Variants in AKAP13 observed in about 807,000 individuals in gnomAD.
AKAP13 encodes A-kinase anchor protein 13.
Under a neutral mutation model 264.5 loss-of-function variants are expected in AKAP13, and 80 were observed. The observed-to-expected ratio is 0.30, with a 90% CI of 0.25 to 0.36. AKAP13 has a LOEUF of 0.36. Ranked by LOEUF, AKAP13 falls within the 10% of genes least tolerant of loss-of-function variation. The pLI, the probability that AKAP13 is intolerant of heterozygous loss-of-function variation, is 1.00. For missense variants in AKAP13, 3,712 were observed against 3,435.2 expected, an observed-to-expected ratio of 1.08 and a Z score of -2.01; for synonymous variants, 1,380 against 1,250.2, an observed-to-expected ratio of 1.10 and a Z score of -2.19.
chr15:85,710,576 T>C lies in AKAP13; in HGVS notation c.5533-3T>C, dbSNP rs1473094959. The C allele has an allele frequency of 3.7e-6, 6 of 1,613,588 alleles. No individual in the cohort carries two copies. The highest frequency in any genetic ancestry group is 3.3e-5 in the Admixed American group (2 of 59,914). ...TCAATGGACTTACTTTCTTTCTCTTTAGCAGCCCAAAGGGAGCCTTCAGGC... is the reference window on the plus strand; with the variant it reads ...TCAATGGACTTACTTTCTTTCTCTTCAGCAGCCCAAAGGGAGCCTTCAGGC... On this transcript the variant is annotated splice_polypyrimidine_tract_variant and splice_region_variant and intron_variant, in intron 18 of 36. Transcript: ENST00000394518.
chr15:85,562,877 T>G (rs2078453108), intron 5 of AKAP13, among the ~76,000 whole-genome samples: 1 of 148,436 alleles, frequency 6.7e-6, no homozygotes, highest in Non-Finnish European at 1.5e-5. Flanking sequence ...TTTTGTTTTT[T>G]TTTTTTTTGT....
intron 4 of AKAP13, among the ~76,000 whole-genome samples, chr15:85,539,581 A>T (rs891025944): frequency 6.6e-6 from 1 of 152,162 alleles, no homozygotes; most frequent in Non-Finnish European, 1.5e-5. Context: ...TTACTTAGAG[A>T]ATCTGACCAT....
chr15:85,403,085 T>G (rs2071501356), intron 1 of AKAP13, among the ~76,000 whole-genome samples: 1 of 152,208 alleles, frequency 6.6e-6, no homozygotes, highest in Admixed American at 6.5e-5. Flanking sequence ...CCATTCCTTA[T>G]CTGTTAGGTC....
At chr15:85,573,484 G>A (rs2078892871) in intron 5 of AKAP13, among the ~76,000 whole-genome samples, 1 of 152,012 alleles carries the variant, frequency 6.6e-6, no homozygotes, top group African/African-American at 2.4e-5. Context: ...GTTAGAGGTT[G>A]CATTGAGCCA....
At chr15:85,478,409 T>G (rs2075247302) in intron 1 of AKAP13, among the ~76,000 whole-genome samples, 1 of 152,344 alleles carries the variant, frequency 6.6e-6, no homozygotes, top group East Asian at 1.9e-4. Context: ...AAAACTACAT[T>G]TAACTTACTA....
intron 5 of AKAP13, among the ~76,000 whole-genome samples, chr15:85,554,294 C>G (rs914891612): frequency 6.6e-6 from 1 of 152,104 alleles, no homozygotes; most frequent in Non-Finnish European, 1.5e-5. Context: ...TAAACAAGAA[C>G]ATGTTTATAA....
intron 10 of AKAP13, among the ~76,000 whole-genome samples, chr15:85,653,473 G>A (rs338539): frequency 0.54 from 81,852 of 151,916 alleles, 22,265 homozygotes; most frequent in Middle Eastern, 0.63. Context: ...TGGATTCCAC[G>A]GAACTGGAAA....
intron 1 of AKAP13, among the ~76,000 whole-genome samples, chr15:85,469,402 G>C (rs191989099): frequency 6.6e-6 from 1 of 152,208 alleles, no homozygotes; most frequent in East Asian, 1.9e-4. Context: ...CCTGTCAGCA[G>C]GATTACCTCT....
intron 8 of AKAP13, among the ~76,000 whole-genome samples, chr15:85,601,230 G>C (rs1004086753): frequency 3.9e-5 from 6 of 152,152 alleles, no homozygotes; most frequent in African/African-American, 1.4e-4. Flanking sequence ...AAAATGCAAT[G>C]AGACTTATTC....
intron 30 of AKAP13, among the ~76,000 whole-genome samples, 192 bp downstream of exon 30, chr15:85,730,899 G>C (rs1438532171): frequency 6.6e-6 from 1 of 151,380 alleles, no homozygotes; most frequent in African/African-American, 2.4e-5. Flanking sequence ...ACTTAAAGGG[G>C]CCCTGAAGCC....
chr15:85,747,118 A>G lies in AKAP13; in HGVS notation c.*2441A>G. The G allele has an allele frequency of 6.6e-6, 1 of 152,152 alleles. No individual in the cohort carries two copies. The highest frequency in any genetic ancestry group is 1.9e-4 in the East Asian group (1 of 5,200). The allele number at this position is 152,152 out of a possible 1,614,324, so 9.4% of individuals were successfully genotyped here. ...TCAGGTTCTGGTTGGACAAGTTTAAAATCAAAGTAGTGCCCGGAATTCCCT... is the reference window on the plus strand; with the variant it reads ...TCAGGTTCTGGTTGGACAAGTTTAAGATCAAAGTAGTGCCCGGAATTCCCT... On this transcript the variant is annotated 3_prime_UTR_variant, in exon 37 of 37. Transcript: ENST00000394518.
chr15:85,389,607 A>C (rs1304961740), intron 1 of AKAP13, among the ~76,000 whole-genome samples: 1 of 152,214 alleles, frequency 6.6e-6, no homozygotes, highest in Non-Finnish European at 1.5e-5. Context: ...AGGATTCTCA[A>C]AATCTTTGGG....
intron 10 of AKAP13, among the ~76,000 whole-genome samples, chr15:85,654,728 G>A (rs1567177263): frequency 6.6e-6 from 1 of 152,240 alleles, no homozygotes; most frequent in African/African-American, 2.4e-5. Context: ...GGAGGCTGAG[G>A]TGGGAGGATC....
chr15:85,443,461 C>CT (rs1224606053), intron 1 of AKAP13, among the ~76,000 whole-genome samples: 3 of 152,158 alleles, frequency 2.0e-5, no homozygotes, highest in African/African-American at 7.2e-5. Context: ...GTAAAATGAA[C>CT]TACCTACTCA....
At chr15:85,530,220 G>A (rs116271711) in intron 3 of AKAP13, among the ~76,000 whole-genome samples, 1,601 of 152,168 alleles carry the variant, frequency 0.011, 35 homozygotes, top group African/African-American at 0.037. Context: ...CCTGTCGTTC[G>A]CCCTCATCCC....
chr15:85,684,480 C>T (rs1373468168), intron 15 of AKAP13: 3 of 281,668 alleles, frequency 1.1e-5, no homozygotes, highest in East Asian at 6.7e-5. Context: ...AGGAAGATTG[C>T]GTGAGCTCAG....
rs1243525733 is a variant in AKAP13, at chr15:85,724,827, G to A, written c.6745+1507G>A. 6.6e-6 allele frequency among the ~76,000 whole-genome samples: 1 copy of A among 151,828 alleles called. No homozygotes were observed. Among genetic ancestry groups the A allele is most frequent in the South Asian group, 2.1e-4 (1 of 4,800 alleles). The stretch of plus-strand genomic sequence containing the variant: ...CATCTGGGCCTGCATTGTAGCAGAA[G>A]GCATAAAAAAGAAGGGCAGAAAAGA... On this transcript the variant is annotated intron_variant, in intron 26 of 36. Transcript: ENST00000394518. The surrounding 1 kb of genome is among the most constrained non-coding windows in gnomAD (Gnocchi z 4.2).
At chr15:85,694,801 T>A (rs2085479462) in intron 17 of AKAP13, among the ~76,000 whole-genome samples, 1 of 152,198 alleles carries the variant, frequency 6.6e-6, no homozygotes, top group African/African-American at 2.4e-5. Context: ...ATTAACATGA[T>A]ACTATATCTA....
At position 85,747,952 on chromosome 15, in the gene AKAP13, T is replaced by C. The variant is rs1375866703; in HGVS notation, c.*3275T>C. The C allele has an allele frequency of 1.3e-5, 2 of 152,812 alleles. No individual in the cohort carries two copies. The highest frequency in any genetic ancestry group is 2.9e-5 in the Non-Finnish European group (2 of 68,022). The allele number at this position is 152,812 out of a possible 1,614,324, so 9.5% of individuals were successfully genotyped here. A position where few individuals can be genotyped will look rare whatever the true frequency, so the allele number is the denominator to read the frequency against. Reference sequence around the variant, plus strand: ...GCACAAAGTTTTGAGACCTTTGGCGTTGTTTCTTGATGTGGGAGGGGAGGT... The same window carrying C: ...GCACAAAGTTTTGAGACCTTTGGCGCTGTTTCTTGATGTGGGAGGGGAGGT... On this transcript the variant is annotated 3_prime_UTR_variant, in exon 37 of 37. Transcript: ENST00000394518.
Sources: gnomAD v4.1 joint callset for allele counts (sites outside exome capture counted in the v4.1 genomes callset) on GRCh38, gnomAD v4.1.1 for gene constraint, Gnocchi (gnomAD v3.1) non-coding constraint, MANE v1.5 for transcripts, NCBI Gene and HGNC (gene_info 2026-07-23, HGNC 2026-07-21) for gene names.